The following PHACTR1 variants were observed in gnomAD, a reference collection of about 807,000 sequenced individuals.
PHACTR1 encodes the protein phosphatase and actin regulator 1.
A neutral mutation model predicts 69.2 loss-of-function variants in PHACTR1; 16 were observed. The observed-to-expected ratio is 0.23, with a 90% CI of 0.16 to 0.35. The LOEUF (loss-of-function observed/expected upper bound fraction) is 0.35, where lower values mean the gene tolerates loss of function less well. PHACTR1 is among the 10% of genes least tolerant of loss of function. PHACTR1 has a pLI of 1.00. For missense variants in PHACTR1, 510 were observed against 734.7 expected (o/e 0.69, Z 3.54); for synonymous variants, 312 against 284.5 (o/e 1.10, Z -0.97).
chr6:13,286,078 T>G, intron 13 of PHACTR1, 68 bp from the exon 14 acceptor site: 1 of 1,302,994 alleles, frequency 7.7e-7, no homozygotes, highest in Non-Finnish European at 1.1e-6. Context: ...TTGTTAGGAA[T>G]GAACTGAAAG....
At chr6:13,039,836 T>C (rs145589651) in intron 4 of PHACTR1, among the ~76,000 whole-genome samples, 1 of 152,226 alleles carries the variant, frequency 6.6e-6, no homozygotes, top group Non-Finnish European at 1.5e-5. Flanking sequence ...ATGAAGTTTC[T>C]TTTCCTATTA....
intron 5 of PHACTR1, among the ~76,000 whole-genome samples, chr6:13,072,175 C>T (rs1047847345): frequency 1.3e-5 from 2 of 152,154 alleles, no homozygotes; most frequent in African/African-American, 4.8e-5. Flanking sequence ...TAATAACGTG[C>T]CATTCCCCAG....
At chr6:12,920,750 AAAAG>A (rs983781832) in intron 4 of PHACTR1, among the ~76,000 whole-genome samples, 9 of 152,256 alleles carry the variant, frequency 5.9e-5, no homozygotes, top group African/African-American at 2.2e-4. Flanking sequence ...CAAAATAAAC[AAAAG>A]AAAGAAAGTA....
chr6:12,845,528 C>T (rs1465764553), intron 4 of PHACTR1, among the ~76,000 whole-genome samples: 1 of 149,818 alleles, frequency 6.7e-6, no homozygotes, highest in Non-Finnish European at 1.5e-5. Flanking sequence ...TATTTCCCCT[C>T]AGGGATTACT....
intron 3 of PHACTR1, among the ~76,000 whole-genome samples, chr6:12,722,404 G>C (rs1762239866): frequency 6.6e-6 from 1 of 152,160 alleles, no homozygotes; most frequent in Non-Finnish European, 1.5e-5. Context: ...TATTAGTCAT[G>C]TGCAAAATCT....
chr6:13,106,767 A>ATCTTTTTTTT (rs1816214561), intron 5 of PHACTR1, among the ~76,000 whole-genome samples: 1 of 151,816 alleles, frequency 6.6e-6, no homozygotes. Flanking sequence ...AATATTGCCC[A>ATCTTTTTTTT]ATTTTTTTTC....
intron 4 of PHACTR1, among the ~76,000 whole-genome samples, chr6:12,955,399 C>G (rs1318934169): frequency 6.6e-6 from 1 of 151,834 alleles, no homozygotes; most frequent in Non-Finnish European, 1.5e-5. Context: ...GCAACGGGGT[C>G]TTGCTATGTT....
At chr6:12,905,183 T>C (rs1248923148) in intron 4 of PHACTR1, among the ~76,000 whole-genome samples, 1 of 152,060 alleles carries the variant, frequency 6.6e-6, no homozygotes, top group Non-Finnish European at 1.5e-5. Flanking sequence ...CTCCAGGGGA[T>C]TCTAATGACC....
intron 6 of PHACTR1, among the ~76,000 whole-genome samples, chr6:13,178,059 G>A (rs1761635723): frequency 6.6e-6 from 1 of 152,216 alleles, no homozygotes; most frequent in Non-Finnish European, 1.5e-5. Context: ...TTGGTGGCCA[G>A]CTCTATATCT....
intron 4 of PHACTR1, among the ~76,000 whole-genome samples, chr6:13,001,152 G>A (rs2127623562): frequency 6.6e-6 from 1 of 152,262 alleles, no homozygotes; most frequent in East Asian, 1.9e-4. Context: ...GTAATGTTGT[G>A]ATAAATAAAG....
intron 4 of PHACTR1, among the ~76,000 whole-genome samples, chr6:12,904,718 C>A (rs772988584): frequency 2.6e-5 from 4 of 152,040 alleles, no homozygotes; most frequent in Non-Finnish European, 4.4e-5. Context: ...AGGCACTGAC[C>A]CGGACTCAGT....
At chr6:13,208,627 G>GCCC (rs138524215) in intron 8 of PHACTR1, among the ~76,000 whole-genome samples, 6 of 141,340 alleles carry the variant, frequency 4.2e-5, no homozygotes, top group African/African-American at 7.9e-5. Flanking sequence ...CGTCATTGCT[G>GCCC]CCCACCCCCC....
chr6:12,813,471 A>G (rs552453496), intron 4 of PHACTR1, among the ~76,000 whole-genome samples: 33 of 152,242 alleles, frequency 2.2e-4, no homozygotes, highest in Admixed American at 2.1e-3. Flanking sequence ...ATTCTTTCCA[A>G]TTATCTGAGT....
chr6:13,281,909 C>G (rs1022639477), intron 12 of PHACTR1, among the ~76,000 whole-genome samples: 1 of 152,202 alleles, frequency 6.6e-6, no homozygotes, highest in Non-Finnish European at 1.5e-5. Context: ...GCAGGGGGGC[C>G]GGCACCAGAG....
chr6:13,149,831 ATT>A (rs34449513), intron 5 of PHACTR1, among the ~76,000 whole-genome samples: 2 of 145,740 alleles, frequency 1.4e-5, no homozygotes, highest in Admixed American at 6.8e-5. Flanking sequence ...TTTTTTTGCG[ATT>A]TTTTTTTTTT....
intron 7 of PHACTR1, among the ~76,000 whole-genome samples, chr6:13,203,906 C>G (rs891423862): frequency 1.3e-5 from 2 of 152,094 alleles, no homozygotes; most frequent in Non-Finnish European, 2.9e-5. Context: ...AGGTGAGGAT[C>G]CTGGAGGAGG....
At chr6:12,742,002 T>G (rs892046443) in intron 3 of PHACTR1, among the ~76,000 whole-genome samples, 1 of 152,212 alleles carries the variant, frequency 6.6e-6, no homozygotes, top group African/African-American at 2.4e-5. Context: ...GATAGATATT[T>G]GATGGTTTTG....
rs144626026 is a variant in PHACTR1 at position 13,257,324 on chromosome 6, C to G, written c.1392-15536C>G. Among the ~76,000 whole-genome samples, 136 of 152,276 alleles carry G rather than the reference C, an allele frequency of 8.9e-4. 1 individual carries two copies. The highest frequency in any genetic ancestry group is 3.1e-3 in the African/African-American group (130 of 41,552). On this transcript the variant is annotated intron_variant, in intron 10 of 14. Transcript: ENST00000332995. ...CCCCCATGATCCAGTCACCTCCCACCAGGCTGCACCTCCAACACTGGGTAT... is the reference window on the plus strand; with the variant it reads ...CCCCCATGATCCAGTCACCTCCCACGAGGCTGCACCTCCAACACTGGGTAT...
intron 5 of PHACTR1, among the ~76,000 whole-genome samples, chr6:13,099,916 G>A (rs1814877725): frequency 6.6e-6 from 1 of 152,192 alleles, no homozygotes; most frequent in African/African-American, 2.4e-5. Context: ...AGTAAATCAG[G>A]AAGGGTTGTT....
Sources: gnomAD v4.1 joint callset for allele counts (sites outside exome capture counted in the v4.1 genomes callset) on GRCh38, gnomAD v4.1.1 for gene constraint, MANE v1.5 for transcripts, NCBI Gene and HGNC (gene_info 2026-07-23, HGNC 2026-07-21) for gene names.